The following GREB1 variants were observed in gnomAD, a reference collection of about 807,000 sequenced individuals.
GREB1 encodes the protein growth regulating estrogen receptor binding 1, also known as protein GREB1.
GREB1 carries 106 observed loss-of-function variants against 200.7 expected under a neutral mutation model. That is an observed-to-expected ratio of 0.53 (90% confidence interval 0.45 to 0.62). GREB1 has a LOEUF of 0.62. Among genes scored for constraint, GREB1 ranks in the 20% least tolerant of loss-of-function variants. The probability of loss-of-function intolerance (pLI) is 0.00; values close to 1 mark genes in which losing one functional copy is unlikely to be tolerated. For missense variants in GREB1, 2,243 were observed against 2,556.8 expected (o/e 0.88, Z 2.65); for synonymous variants, 1,132 against 1,092.4 (o/e 1.04, Z -0.72).
At chr2:11,486,804 G>T (rs956457193) in intron 1 of GREB1, among the ~76,000 whole-genome samples, 1 of 151,888 alleles carries the variant, frequency 6.6e-6, no homozygotes, top group African/African-American at 2.4e-5. Flanking sequence ...GGAAGTGGAG[G>T]TTGCAGTGAG....
chr2:11,638,896 C>G, intron 32 of GREB1, 87 bp downstream of exon 32: 2 of 1,363,498 alleles, frequency 1.5e-6, no homozygotes, highest in Non-Finnish European at 2.0e-6. Flanking sequence ...GGTCCTAGTC[C>G]TTATTTGCCC....
chr2:11,627,087 T>G lies in GREB1; in HGVS notation c.4432T>G (p.Phe1478Val), dbSNP rs777253279. 2.5e-6 allele frequency: 4 copies of G among 1,599,090 alleles called. No homozygotes were observed. The African/African-American group carries it at 5.4e-5, about 21-fold the overall frequency. Residue 1478 changes from phenylalanine (F) to valine (V), a missense_variant, in exon 25 of 33, where the codon TTC (phenylalanine) becomes GTC (valine). Transcript: ENST00000381486. Reference sequence around the variant, plus strand: ...TGAGCAGTGCCACCAGTACATGGGCTTCCACCCCCGCTACCAGGTAGGCCC... The same window carrying G: ...TGAGCAGTGCCACCAGTACATGGGCGTCCACCCCCGCTACCAGGTAGGCCC... ...HCEQCHQYMG[F>V]HPRYQLYEST...
chr2:11,516,322 G>C lies in GREB1; in HGVS notation c.-159+33941G>C, dbSNP rs550267623. Among the ~76,000 whole-genome samples the C allele has an allele frequency of 1.9e-4, 29 of 150,714 alleles. No homozygotes were observed. In the South Asian group the frequency reaches 4.8e-3, roughly 25 times the overall value. On this transcript the variant is annotated intron_variant, in intron 1 of 2. Transcript: ENST00000628795. ...TAGATTTTCCTGCAGGTGTGTGTGT[G>C]TGTGTGTGTGTGTGTGTGTGTGTGT...
chr2:11,615,879 T>C (rs542941623), intron 20 of GREB1, among the ~76,000 whole-genome samples: 111 of 151,880 alleles, frequency 7.3e-4, no homozygotes, highest in Admixed American at 1.4e-3. Flanking sequence ...ATTTGTGGAG[T>C]GTGTGGAATG....
chr2:11,556,639 C>T lies in GREB1; in HGVS notation c.25C>T (p.Leu9=). 6.2e-7 allele frequency: 1 copy of T among 1,613,112 alleles called. No homozygotes were observed. The change falls in exon 2 of 33, where the codon CTG becomes TTG. Residue 9 remains leucine, a synonymous_variant. Transcript: ENST00000381486. MGNSYAGQ[L]KTTRFEEVLH... ...GATGGGAAATTCTTACGCTGGACAG[C>T]TGAAGACGACACGCTTTGAAGAGGT...
intron 17 of GREB1, among the ~76,000 whole-genome samples, chr2:11,604,197 A>G (rs764482450): frequency 7.9e-5 from 12 of 152,314 alleles, no homozygotes; most frequent in Non-Finnish European, 1.6e-4. Context: ...TTAGAGTTTC[A>G]TGAGCTAATG....
In GREB1 at chr2:11,618,587, G is replaced by A. The variant is rs771817747; in HGVS notation, c.3712G>A (p.Gly1238Ser). 63 of 1,612,968 alleles carry A rather than the reference G, an allele frequency of 3.9e-5. No homozygotes were observed. The highest frequency in any genetic ancestry group is 2.0e-4 in the African/African-American group (15 of 75,016). The change falls in exon 22 of 33, where the codon GGC becomes AGC. Residue 1238 changes from glycine (G) to serine (S), a missense_variant. Gly to Ser is a moderately conservative substitution (Grantham distance 56). Around this residue, in one of 3 missense-constraint regions of GREB1, gnomAD observed 587 missense variants for 553.1 expected, o/e 1.06. Coordinates refer to ENST00000381486, the MANE Select transcript of GREB1 (RefSeq NM_014668.4). ...CTCCTCATCCGTGGCGCCCGCTGCC[G>A]GCACGTGGGTCCTGCAGGCCTCCCA... is the stretch of plus-strand genomic sequence containing the variant. ...SSSSSVAPAA[G>S]TWVLQASQCS...
chr2:11,636,862 AGAGG>A (rs1685387545), intron 30 of GREB1, among the ~76,000 whole-genome samples: 1 of 150,392 alleles, frequency 6.6e-6, no homozygotes, highest in South Asian at 2.1e-4. Context: ...AGGCAGGGGC[AGAGG>A]CAAGGACAGA....
chr2:11,526,373 C>T (rs1188932047), intron 1 of GREB1, among the ~76,000 whole-genome samples: 1 of 152,154 alleles, frequency 6.6e-6, no homozygotes. Context: ...AGCTTAACTA[C>T]TTACTAGTTA....
intron 15 of GREB1, among the ~76,000 whole-genome samples, chr2:11,599,143 G>C (rs1220439969): frequency 6.6e-6 from 1 of 152,132 alleles, no homozygotes; most frequent in African/African-American, 2.4e-5. Flanking sequence ...GAGGGTGTTA[G>C]TGGCAGAGCT....
At chr2:11,507,146 C>T (rs1673202610) in intron 1 of GREB1, among the ~76,000 whole-genome samples, 1 of 152,126 alleles carries the variant, frequency 6.6e-6, no homozygotes, top group East Asian at 1.9e-4. Context: ...AGGTGGCTCA[C>T]GCCTGTAATC....
intron 1 of GREB1, among the ~76,000 whole-genome samples, chr2:11,498,872 C>G (rs1484254129): frequency 2.0e-5 from 3 of 152,206 alleles, no homozygotes; most frequent in Non-Finnish European, 2.9e-5. Flanking sequence ...GACATCTCTC[C>G]CAGCCCCAAA....
Position 11,598,826 on chromosome 2 carries a change from C to G in GREB1, c.2299C>G (p.Leu767Val). The change falls in exon 15 of 33, where the codon CTA (leucine) becomes GTA (valine). Residue 767 changes from leucine to valine, a missense_variant. Around this residue, in one of 3 missense-constraint regions of GREB1, gnomAD observed 1,178 missense variants for 1,387.4 expected, o/e 0.85. Coordinates refer to ENST00000381486, the MANE Select transcript of GREB1 (RefSeq NM_014668.4). ...SFQNPHTLFVLIHDHAHWDLV... is the reference protein window; with the variant it reads ...SFQNPHTLFVVIHDHAHWDLV... ...CCAGAACCCGCATACACTTTTTGTC[C>G]TAATCCATGACCATGCGCACTGGGA... 1 of 1,614,136 alleles carries G rather than the reference C, an allele frequency of 6.2e-7. No homozygotes were observed. The highest frequency in any genetic ancestry group is 8.5e-7 in the Non-Finnish European group (1 of 1,179,972).
chr2:11,598,300 T>C (rs1460913135), intron 14 of GREB1, among the ~76,000 whole-genome samples: 2 of 152,216 alleles, frequency 1.3e-5, no homozygotes, highest in Non-Finnish European at 2.9e-5. Context: ...ATGTCCGGTG[T>C]CTTCACTGAA....
chr2:11,561,358 GATATTTTTTTTTTTTTT>G (rs1448306616), intron 2 of GREB1: 7 of 129,948 alleles, frequency 5.4e-5, no homozygotes, highest in African/African-American at 2.9e-4. Context: ...TTCCCTTGGG[GATATTTTTTTTTTTTTT>G]TTTTTGAGAC....
chr2:11,521,515 C>T (rs200819496), intron 1 of GREB1, among the ~76,000 whole-genome samples: 5 of 152,304 alleles, frequency 3.3e-5, no homozygotes, highest in South Asian at 4.1e-4. Flanking sequence ...TTGTGTCCCA[C>T]GTAGATGAAT....
intron 9 of GREB1, chr2:11,588,241 G>A (rs1680369684): frequency 3.1e-6 from 3 of 968,078 alleles, no homozygotes; most frequent in Non-Finnish European, 3.7e-6. Flanking sequence ...AAAAAAAAAA[G>A]AATGACTCAG....
chr2:11,635,931 T>C (rs958345364), intron 30 of GREB1, among the ~76,000 whole-genome samples: 4 of 152,240 alleles, frequency 2.6e-5, no homozygotes, highest in African/African-American at 4.8e-5. Flanking sequence ...GGTGTGTCTC[T>C]GCCCGAAGTT....
chr2:11,539,795 A>ATTTTTTTTTTTTT (rs66629142), intron 1 of GREB1: 1 of 121,278 alleles, frequency 8.2e-6, no homozygotes, highest in Non-Finnish European at 1.7e-5. Flanking sequence ...CTACTGCTGA[A>ATTTTTTTTTTTTT]TTTTTTTTTT....
Sources: allele counts gnomAD v4.1 joint callset (sites outside exome capture counted in the v4.1 genomes callset), GRCh38; gene constraint gnomAD v4.1.1; regional missense constraint gnomAD v4.1.1; transcripts MANE v1.5; gene names NCBI Gene and HGNC (gene_info 2026-07-23, HGNC 2026-07-21).